Variants in WWC2 observed in about 807,000 individuals in gnomAD.
The protein encoded by WWC2 is protein WWC2.
Under a neutral mutation model 138.5 loss-of-function variants are expected in WWC2, and 101 were observed. That is an observed-to-expected ratio of 0.73 (90% CI 0.62 to 0.86). WWC2 has a LOEUF of 0.86. WWC2 is among the 40% of genes least tolerant of loss of function. WWC2 has a pLI of 0.00. For missense variants in WWC2, 1,420 were observed against 1,419.4 expected (o/e 1.00, Z -0.01); for synonymous variants, 558 against 538.4 (o/e 1.04, Z -0.50).
At chr4:183,190,680 G>T (rs1734965748) in intron 1 of WWC2, among the ~76,000 whole-genome samples, 1 of 151,954 alleles carries the variant, frequency 6.6e-6, no homozygotes, top group Non-Finnish European at 1.5e-5. Context: ...TTTAAGAATG[G>T]AATCTTCTGA....
At chr4:183,107,703 T>G (rs886167525) in intron 1 of WWC2, among the ~76,000 whole-genome samples, 2 of 152,176 alleles carry the variant, frequency 1.3e-5, no homozygotes, top group Admixed American at 6.5e-5. Context: ...TCTTCCCTTT[T>G]CTCCCTATCT....
chr4:183,261,012 C>G lies in WWC2; in HGVS notation c.1389C>G (p.Ser463=), dbSNP rs1307716677. ...CCTCCAGCAGAGGGTCACTCAACTC[C>G]CTCAGTTCCACCGAACTCTATTACA... ...LNTSSRGSLN[S]LSSTELYYSS... Residue 463 remains serine (S), a synonymous_variant, in exon 11 of 23, where the codon TCC becomes TCG. Transcript: ENST00000403733. The G allele has an allele frequency of 1.2e-6, 2 of 1,613,972 alleles. No individual in the cohort carries two copies. The highest frequency in any genetic ancestry group is 1.7e-6 in the Non-Finnish European group (2 of 1,179,884).
intron 1 of WWC2, among the ~76,000 whole-genome samples, chr4:183,151,043 G>T (rs1733623277): frequency 6.6e-6 from 1 of 151,968 alleles, no homozygotes. Context: ...TAATTCCTTG[G>T]GTATATACCC....
chr4:183,271,141 A>G lies in WWC2; in HGVS notation c.2462A>G (p.Tyr821Cys), dbSNP rs755783878. ...TCCAGTGAGGTTTTCACTCTATGGTATAACTTGCTTCCTTCCAAGCAAATG... is the reference window on the plus strand; with the variant it reads ...TCCAGTGAGGTTTTCACTCTATGGTGTAACTTGCTTCCTTCCAAGCAAATG... ...PFSSEVFTLW[Y>C]NLLPSKQMPC... The change falls in exon 16 of 23, where the codon TAT (tyrosine) becomes TGT (cysteine). Residue 821 changes from tyrosine (Y) to cysteine (C), a missense_variant. Tyr to Cys is a radical substitution (Grantham distance 194, BLOSUM62 -2). Transcript: ENST00000403733. 9.3e-6 allele frequency: 15 copies of G among 1,612,992 alleles called. No homozygotes were observed. The highest frequency in any genetic ancestry group is 1.3e-5 in the Non-Finnish European group (15 of 1,179,550).
At chr4:183,113,518 G>A (rs902851722) in intron 1 of WWC2, among the ~76,000 whole-genome samples, 2 of 142,756 alleles carry the variant, frequency 1.4e-5, no homozygotes, top group African/African-American at 5.6e-5. Flanking sequence ...GTGTGTGTGC[G>A]CGCGCGTGCG....
At chr4:183,177,100 A>G (rs181656367) in intron 1 of WWC2, among the ~76,000 whole-genome samples, 2 of 152,324 alleles carry the variant, frequency 1.3e-5, no homozygotes, top group Admixed American at 1.3e-4. Context: ...GACTAGAGCA[A>G]TAAAGGAGAT....
intron 21 of WWC2, among the ~76,000 whole-genome samples, chr4:183,312,011 A>G (rs1398107865): frequency 6.6e-6 from 1 of 152,184 alleles, no homozygotes; most frequent in Non-Finnish European, 1.5e-5. Flanking sequence ...AACTGTAGAT[A>G]TTTTTTGGAA....
chr4:183,157,504 T>TA lies in WWC2; in HGVS notation c.132-36095_132-36094insA, dbSNP rs200139663. Among the ~76,000 whole-genome samples the TA allele has an allele frequency of 3.3e-5, 5 of 152,254 alleles. No individual in the cohort carries two copies. The East Asian group carries it at 9.7e-4, about 29-fold the overall frequency. The stretch of plus-strand genomic sequence containing the variant: ...GACTTGTGTGTCACTCAATTTTTTT[T>TA]TATATATTTATTTTGAGACGGAGTC... On this transcript the variant is annotated intron_variant, in intron 1 of 22. Coordinates refer to ENST00000403733, the MANE Select transcript of WWC2 (RefSeq NM_024949.6).
intron 1 of WWC2, among the ~76,000 whole-genome samples, chr4:183,150,284 G>A (rs536566086): frequency 9.2e-5 from 14 of 152,188 alleles, no homozygotes; most frequent in Middle Eastern, 3.4e-3. Flanking sequence ...TGGTCCTATC[G>A]CTTGCCATTA....
chr4:183,169,999 C>T (rs1734231975), intron 1 of WWC2, among the ~76,000 whole-genome samples: 1 of 152,086 alleles, frequency 6.6e-6, no homozygotes, highest in African/African-American at 2.4e-5. Context: ...TTCAAAAGAA[C>T]AGTATCATTC....
intron 21 of WWC2, among the ~76,000 whole-genome samples, chr4:183,297,560 C>T (rs1201025122): frequency 3.3e-5 from 5 of 152,032 alleles, no homozygotes; most frequent in African/African-American, 1.2e-4. Context: ...CAGGCGCGCA[C>T]CACCACTCCC....
intron 1 of WWC2, among the ~76,000 whole-genome samples, chr4:183,111,452 C>T (rs749021364): frequency 1.2e-4 from 18 of 152,064 alleles, no homozygotes; most frequent in Non-Finnish European, 2.5e-4. Context: ...TTTTCCTTAG[C>T]ATTATGGTTT....
At chr4:183,183,786 A>G (rs1734713614) in intron 1 of WWC2, among the ~76,000 whole-genome samples, 1 of 152,198 alleles carries the variant, frequency 6.6e-6, no homozygotes, top group African/African-American at 2.4e-5. Context: ...CTGTCTCAAA[A>G]AAAAAAGAAA....
At chr4:183,185,885 CAGTA>C (rs1292218303) in intron 1 of WWC2, among the ~76,000 whole-genome samples, 2 of 151,136 alleles carry the variant, frequency 1.3e-5, no homozygotes, top group Non-Finnish European at 2.9e-5. Flanking sequence ...GATAAACATT[CAGTA>C]AGTGTTTTAT....
intron 4 of WWC2, among the ~76,000 whole-genome samples, chr4:183,229,176 C>T (rs1671651472): frequency 1.3e-5 from 2 of 152,054 alleles, no homozygotes; most frequent in Admixed American, 6.5e-5. Flanking sequence ...CGCTGAGTTG[C>T]TACGCTTAAA....
At chr4:183,171,206 G>C (rs1734268742) in intron 1 of WWC2, among the ~76,000 whole-genome samples, 1 of 152,174 alleles carries the variant, frequency 6.6e-6, no homozygotes, top group African/African-American at 2.4e-5. Context: ...CTCATTGAGA[G>C]CAGGGTCAAG....
intron 1 of WWC2, among the ~76,000 whole-genome samples, chr4:183,140,677 A>G (rs1318883696): frequency 6.6e-6 from 1 of 152,230 alleles, no homozygotes; most frequent in Non-Finnish European, 1.5e-5. Context: ...AAGCAGAATT[A>G]CAGTTTTACT....
intron 4 of WWC2, among the ~76,000 whole-genome samples, chr4:183,239,322 A>C (rs1736540731): frequency 6.6e-6 from 1 of 152,160 alleles, no homozygotes; most frequent in East Asian, 1.9e-4. Context: ...TCAAAAAAAA[A>C]ACAAACAAAC....
chr4:183,122,799 A>T (rs1469873474), intron 1 of WWC2, among the ~76,000 whole-genome samples: 1 of 152,190 alleles, frequency 6.6e-6, no homozygotes, highest in Non-Finnish European at 1.5e-5. Context: ...GATTACAGGC[A>T]TGAGCCACCG....
Sources: allele counts gnomAD v4.1 joint callset (sites outside exome capture counted in the v4.1 genomes callset), GRCh38; gene constraint gnomAD v4.1.1; transcripts MANE v1.5; gene names NCBI Gene and HGNC (gene_info 2026-07-23, HGNC 2026-07-21).